Variants in EFTUD2 observed in about 807,000 individuals in gnomAD.
The protein encoded by EFTUD2 is elongation factor Tu GTP binding domain containing 2, also known as 116 kDa U5 small nuclear ribonucleoprotein component.
A neutral mutation model predicts 114.3 loss-of-function variants in EFTUD2; 9 were observed. The ratio of observed to expected loss-of-function variants is 0.08; its 90% CI spans 0.05 to 0.14. The LOEUF is 0.14. EFTUD2 is among the 10% of genes least tolerant of loss of function. The pLI is 1.00. For synonymous variants in EFTUD2, 449 were observed against 462.3 expected, an observed-to-expected ratio of 0.97 and a Z score of 0.37; for missense variants, 765 against 1,241.2, an observed-to-expected ratio of 0.62 and a Z score of 5.76.
intron 18 of EFTUD2, 75 bp downstream of exon 18, chr17:44,859,830 G>A (rs1567733288): frequency 6.2e-7 from 1 of 1,601,214 alleles, no homozygotes; most frequent in Non-Finnish European, 8.5e-7. Context: ...CCTGATGGAT[G>A]GGAAGCGGTG....
intron 2 of EFTUD2, among the ~76,000 whole-genome samples, chr17:44,891,484 T>C (rs2051277735): frequency 6.6e-6 from 1 of 152,064 alleles, no homozygotes; most frequent in Admixed American, 6.5e-5. Context: ...TGAGTAGCTG[T>C]GACTACTGGC....
At chr17:44,872,714 C>A in intron 10 of EFTUD2, 144 bp from the exon 11 acceptor site, 1 of 1,007,732 alleles carries the variant, frequency 9.9e-7, no homozygotes, top group East Asian at 3.5e-5. Flanking sequence ...TGCCAACAGC[C>A]TGGTCCAAGA....
chr17:44,851,739 C>A lies in EFTUD2; in HGVS notation c.2794G>T (p.Glu932Ter). The change falls in exon 27 of 28, where the codon GAA (glutamate) becomes TAA (stop). Residue 932 changes from glutamate (E) to a stop codon, truncating the protein, a stop_gained. Coordinates refer to ENST00000426333, the MANE Select transcript of EFTUD2 (RefSeq NM_004247.4). LOFTEE classifies it high-confidence loss of function. ...CTACGGCGGGTTTTGATCATGAATT[C>A]CCGGGCCAGGTGAGGAGCTGGCTGT... is the stretch of plus-strand genomic sequence containing the variant. Reference protein sequence around the residue: ...EPQPAPHLAREFMIKTRRRKG... With the variant: ...EPQPAPHLAR 1 of 1,581,924 alleles carries A rather than the reference C, an allele frequency of 6.3e-7. No homozygotes were observed. The highest frequency in any genetic ancestry group is 1.2e-5 in the South Asian group (1 of 85,218).
intron 1 of EFTUD2, among the ~76,000 whole-genome samples, chr17:44,895,373 G>A (rs1270562476): frequency 2.0e-5 from 3 of 151,878 alleles, no homozygotes; most frequent in Non-Finnish European, 4.4e-5. Context: ...GCTCACACCT[G>A]TAATCCCAGC....
chr17:44,873,909 AT>A (rs1370842756), intron 10 of EFTUD2, among the ~76,000 whole-genome samples: 4 of 145,392 alleles, frequency 2.8e-5, no homozygotes, highest in African/African-American at 1.0e-4. Flanking sequence ...TTTTTTTTGT[AT>A]TTTTTAGTAG....
chr17:44,864,857 A>G, intron 14 of EFTUD2, 73 bp downstream of exon 14: 1 of 1,568,134 alleles, frequency 6.4e-7, no homozygotes, highest in Non-Finnish European at 8.7e-7. Flanking sequence ...TCGCTGGGTG[A>G]GAAAAAATTG....
chr17:44,868,680 T>C (rs1043975774), intron 11 of EFTUD2, among the ~76,000 whole-genome samples: 3 of 152,210 alleles, frequency 2.0e-5, no homozygotes, highest in Non-Finnish European at 4.4e-5. Flanking sequence ...GCATCCTCTA[T>C]CTGCATCTAA....
intron 3 of EFTUD2, among the ~76,000 whole-genome samples, chr17:44,886,213 G>C (rs947642019): frequency 6.6e-6 from 1 of 152,096 alleles, no homozygotes; most frequent in Non-Finnish European, 1.5e-5. Context: ...CAGCATGGGC[G>C]ACAGAGCAAG....
intron 7 of EFTUD2, among the ~76,000 whole-genome samples, chr17:44,881,427 C>G (rs1469072476): frequency 6.6e-6 from 1 of 151,282 alleles, no homozygotes; most frequent in Admixed American, 6.6e-5. Context: ...CCTCTTAGTA[C>G]TTCTCCTATA....
intron 9 of EFTUD2, among the ~76,000 whole-genome samples, 198 bp downstream of exon 9, chr17:44,879,358 T>C (rs1365762392): frequency 1.3e-5 from 2 of 152,188 alleles, no homozygotes. Context: ...AGTGCTGGGA[T>C]TACAGGTGTG....
In EFTUD2 at chr17:44,886,709, G is replaced by A. The variant is rs773924921; in HGVS notation, c.147C>T (p.Asp49=). The change falls in exon 3 of 28, where the codon GAC becomes GAT. Residue 49 remains aspartate, a synonymous_variant. Transcript: ENST00000426333. ...DDDDDDVGDH[D]DDHPGMEVVL... ...CCACCTCCATCCCAGGGTGGTCATC[G>A]TCATGATCTCCTACGTCATCGTCGT... The A allele has an allele frequency of 1.9e-5, 30 of 1,613,992 alleles. No homozygotes were observed. Among genetic ancestry groups the A allele is most frequent in the Admixed American group, 3.3e-5 (2 of 59,998 alleles).
chr17:44,880,619 G>A lies in EFTUD2; in HGVS notation c.554C>T (p.Pro185Leu). ...QERGVGIKST[P>L]VTVVLPDTKG... is the part of the protein sequence containing the mutation. ...GGTGTCTGGCAAGACCACTGTCACAGGAGTGCTTTTGATGCCTACACCTCT... is the reference window on the plus strand; with the variant it reads ...GGTGTCTGGCAAGACCACTGTCACAAGAGTGCTTTTGATGCCTACACCTCT... Residue 185 changes from proline (P) to leucine (L), a missense_variant, in exon 8 of 28, where the codon CCT becomes CTT. Transcript: ENST00000426333. The A allele has an allele frequency of 6.2e-7, 1 of 1,613,670 alleles. No homozygotes were observed. Among genetic ancestry groups the A allele is most frequent in the Non-Finnish European group, 8.5e-7 (1 of 1,179,670 alleles).
chr17:44,863,667 G>C lies in EFTUD2; in HGVS notation c.1401C>G (p.Asp467Glu). Residue 467 changes from aspartate to glutamate, a missense_variant, in exon 15 of 28, where the codon GAC (aspartate) becomes GAG (glutamate). Physicochemically the swap from Asp to Glu is conservative, Grantham distance 45. Coordinates refer to ENST00000426333, the MANE Select transcript of EFTUD2 (RefSeq NM_004247.4). ...CACATGCCCTTACATCAGGGTCACA[G>C]TCACTCATAGCCTCGCCGAGGTCGG... Reference protein sequence around the residue: ...VDSDLGEAMSDCDPDGPLMCH... With the variant: ...VDSDLGEAMSECDPDGPLMCH... The C allele has an allele frequency of 6.2e-7, 1 of 1,613,916 alleles. No homozygotes were observed. Among genetic ancestry groups the C allele is most frequent in the Non-Finnish European group, 8.5e-7 (1 of 1,179,872 alleles).
At chr17:44,879,735 C>G (rs2051036078) in intron 8 of EFTUD2, 97 bp from the exon 9 acceptor site, 1 of 1,148,972 alleles carries the variant, frequency 8.7e-7, no homozygotes. Flanking sequence ...GCCCGTGAAC[C>G]TCCGAATATC....
intron 11 of EFTUD2, among the ~76,000 whole-genome samples, chr17:44,871,270 C>G: frequency 6.6e-6 from 1 of 152,124 alleles, no homozygotes; most frequent in East Asian, 1.9e-4. Context: ...AGTGATCCGC[C>G]TGCCTCAGCT....
In EFTUD2 at chr17:44,863,744, T is replaced by G. The variant is rs1567736334; in HGVS notation, c.1324A>C (p.Lys442Gln). Residue 442 changes from lysine (K) to glutamine (Q), a missense_variant, in exon 15 of 28, where the codon AAG (lysine) becomes CAG (glutamine). This residue lies in a region of EFTUD2 where 59 missense variants were observed against 50.1 expected (regional missense o/e 1.18). Transcript: ENST00000426333. ...DMCVQHIPSP[K>Q]VGAKPKIEHT... The stretch of plus-strand genomic sequence containing the variant: ...TCAATCTTGGGCTTGGCGCCCACCT[T>G]TGGAGAAGGGATATGCTGCACACAC... 6.2e-7 allele frequency: 1 copy of G among 1,614,096 alleles called. No homozygotes were observed. Among genetic ancestry groups the G allele is most frequent in the Non-Finnish European group, 8.5e-7 (1 of 1,180,000 alleles).
chr17:44,897,076 T>C (rs557640130), intron 1 of EFTUD2, among the ~76,000 whole-genome samples: 35 of 151,644 alleles, frequency 2.3e-4, no homozygotes, highest in African/African-American at 6.8e-4. Context: ...ATTAGCCAAG[T>C]GTGGTGGTGG....
chr17:44,863,309 G>T, intron 15 of EFTUD2: 1 of 258,370 alleles, frequency 3.9e-6, no homozygotes, highest in African/African-American at 2.2e-5. Context: ...AGCCAGGACT[G>T]ACAAGATTAG....
At position 44,852,515 on chromosome 17, in the gene EFTUD2, G is replaced by T. The variant is rs765924901; in HGVS notation, c.2609C>A (p.Thr870Asn). ...DAPIPGSPLY[T>N]IKAFIPAIDS... ...GATGGCCGGGATAAAAGCTTTGATG[G>T]TGTACAGAGGGGAGCCTGGGATGGG... Residue 870 changes from threonine (T) to asparagine (N), a missense_variant, in exon 26 of 28, where the codon ACC (threonine) becomes AAC (asparagine). Physicochemically the swap from Thr to Asn is moderately conservative, Grantham distance 65. Coordinates refer to ENST00000426333, the MANE Select transcript of EFTUD2 (RefSeq NM_004247.4). 1.9e-6 allele frequency: 3 copies of T among 1,614,028 alleles called. No individual in the cohort carries two copies. The Admixed American group carries it at 5.0e-5, about 27-fold the overall frequency.
Sources: gnomAD v4.1 joint callset for allele counts (sites outside exome capture counted in the v4.1 genomes callset) on GRCh38, gnomAD v4.1.1 for gene constraint, gnomAD v4.1.1 regional missense constraint, MANE v1.5 for transcripts, NCBI Gene and HGNC (gene_info 2026-07-23, HGNC 2026-07-21) for gene names.